Variants in PTH2R observed in about 807,000 individuals in gnomAD.
PTH2R encodes the protein PTH2 receptor.
A neutral mutation model predicts 60.3 loss-of-function variants in PTH2R; 59 were observed. That is an observed-to-expected ratio of 0.98 (90% confidence interval 0.79 to 1.22). The LOEUF (loss-of-function observed/expected upper bound fraction) is 1.22, where lower values mean the gene tolerates loss of function less well. Among genes scored for constraint, PTH2R ranks in the 50% most tolerant of loss-of-function variants. PTH2R has a pLI of 0.00. For missense variants in PTH2R, 749 were observed against 682.6 expected (o/e 1.10, Z -1.08); for synonymous variants, 256 against 243.8 (o/e 1.05, Z -0.47).
At chr2:208,393,736 A>G (rs1701152210) in intron 1 of PTH2R, among the ~76,000 whole-genome samples, 1 of 152,204 alleles carries the variant, frequency 6.6e-6, no homozygotes, top group Non-Finnish European at 1.5e-5. Flanking sequence ...GAAAATTTCT[A>G]TATACCTACA....
intron 9 of PTH2R, among the ~76,000 whole-genome samples, chr2:208,464,590 G>A (rs753585572): frequency 6.6e-6 from 1 of 152,228 alleles, no homozygotes; most frequent in African/African-American, 2.4e-5. Flanking sequence ...TTACAGCATA[G>A]ATTTTGGGCC....
rs189315504 is a variant in PTH2R at position 208,469,750 on chromosome 2, C to A, written c.981+9789C>A. The A allele has an allele frequency of 2.0e-5, 3 of 152,290 alleles. No homozygotes were observed. The East Asian group carries it at 5.8e-4, about 29-fold the overall frequency. 9.4% of individuals were successfully genotyped at this position (152,290 alleles called of 1,614,324 possible). On this transcript the variant is annotated intron_variant, in intron 9 of 12. Transcript: ENST00000272847. ...ATCATTTATCAGACACCTGTGTCAT[C>A]TTGATGTTGATTTGAGGATGATTTT...
chr2:208,432,225 T>G (rs902513255), intron 2 of PTH2R, among the ~76,000 whole-genome samples: 1 of 152,236 alleles, frequency 6.6e-6, no homozygotes, highest in African/African-American at 2.4e-5. Flanking sequence ...TCAGTGTCCC[T>G]TTAACAGTTC....
chr2:208,386,464 A>G (rs916326598), intron 1 of PTH2R, among the ~76,000 whole-genome samples: 6 of 152,192 alleles, frequency 3.9e-5, no homozygotes, highest in Admixed American at 2.0e-4. Flanking sequence ...AGCTCTTAGC[A>G]CAATACCTGG....
rs1231053029 is a variant in PTH2R at position 208,489,065 on chromosome 2, TC to T, written c.1131del (p.Ile377MetfsTer48). 1 of 1,614,052 alleles carries T rather than the reference TC, an allele frequency of 6.2e-7. No homozygotes were observed. The highest frequency in any genetic ancestry group is 8.5e-7 in the Non-Finnish European group (1 of 1,180,034). On this transcript the variant is annotated frameshift_variant, in exon 11 of 13. Transcript: ENST00000272847. LOFTEE classifies it high-confidence loss of function. ...GTCCTAGTCTTTGGAGTGCATTACA[TC>T]GTGTTCGTATGCCTGCCTCACTCCT... ...VLVLVFGVHY[I>X]VFVCLPHSFT... is the part of the protein sequence containing the mutation.
chr2:208,364,530 T>C (rs1574805737), intron 1 of PTH2R, among the ~76,000 whole-genome samples: 1 of 152,302 alleles, frequency 6.6e-6, no homozygotes. Context: ...TGGAGGTCAG[T>C]TGGCCATGTG....
chr2:208,452,133 A>C (rs1331768317), intron 8 of PTH2R, among the ~76,000 whole-genome samples: 1 of 152,168 alleles, frequency 6.6e-6, no homozygotes, highest in Non-Finnish European at 1.5e-5. Context: ...GCTGAGAAGG[A>C]GCTCAGGTAC....
chr2:208,418,884 A>G (rs3856350), intron 1 of PTH2R, among the ~76,000 whole-genome samples: 112,032 of 152,154 alleles, frequency 0.74, 45,029 homozygotes, highest in East Asian at 0.94. Context: ...TTGTAGAAGT[A>G]CCAAATGTGT....
At chr2:208,372,867 C>T (rs1202517836) in intron 1 of PTH2R, among the ~76,000 whole-genome samples, 2 of 152,014 alleles carry the variant, frequency 1.3e-5, no homozygotes, top group African/African-American at 2.4e-5. Flanking sequence ...GGTGGATCGC[C>T]TGAGCTCAGG....
intron 11 of PTH2R, 126 bp downstream of exon 11, chr2:208,489,276 C>A: frequency 8.5e-7 from 1 of 1,169,672 alleles, no homozygotes; most frequent in Non-Finnish European, 1.2e-6. Context: ...TTGGGGGGTG[C>A]AGAAAGGTCA....
intron 1 of PTH2R, among the ~76,000 whole-genome samples, chr2:208,410,561 T>G (rs1291094114): frequency 1.3e-5 from 2 of 152,192 alleles, no homozygotes; most frequent in Non-Finnish European, 2.9e-5. Flanking sequence ...TTAGGGGCAA[T>G]CTGGGTGTTT....
chr2:208,459,423 A>G (rs756313857), intron 8 of PTH2R, among the ~76,000 whole-genome samples: 32 of 152,148 alleles, frequency 2.1e-4, no homozygotes, highest in Non-Finnish European at 4.4e-4. Flanking sequence ...TTCATTTTCT[A>G]TTGCATTTCT....
At chr2:208,400,372 G>A (rs553368995) in intron 1 of PTH2R, among the ~76,000 whole-genome samples, 1 of 152,154 alleles carries the variant, frequency 6.6e-6, no homozygotes, top group Non-Finnish European at 1.5e-5. Context: ...CATTAAGTTA[G>A]TCACCAGCAC....
intron 8 of PTH2R, 79 bp downstream of exon 8, chr2:208,450,888 C>CT: frequency 6.8e-7 from 1 of 1,473,638 alleles, no homozygotes; most frequent in Non-Finnish European, 9.5e-7. Context: ...TTCACACTCG[C>CT]TTCTGTTCTT....
intron 4 of PTH2R, among the ~76,000 whole-genome samples, chr2:208,441,075 AG>A (rs1208985973): frequency 6.6e-6 from 1 of 152,212 alleles, no homozygotes; most frequent in Non-Finnish European, 1.5e-5. Flanking sequence ...AGTGAGCACA[AG>A]GCAGCAGCCA....
chr2:208,388,288 G>C (rs917883528), intron 1 of PTH2R, among the ~76,000 whole-genome samples: 2 of 152,180 alleles, frequency 1.3e-5, no homozygotes, highest in East Asian at 3.9e-4. Flanking sequence ...CTGCACTCCA[G>C]CCTGGGTGAC....
At chr2:208,395,144 T>A (rs1230082213) in intron 1 of PTH2R, among the ~76,000 whole-genome samples, 2 of 151,826 alleles carry the variant, frequency 1.3e-5, no homozygotes, top group Non-Finnish European at 2.9e-5. Context: ...ACCTCCCAGG[T>A]TCAAGCCATT....
intron 8 of PTH2R, among the ~76,000 whole-genome samples, chr2:208,453,691 T>C (rs752631037): frequency 4.3e-4 from 66 of 152,316 alleles, no homozygotes; most frequent in Non-Finnish European, 7.2e-4. Context: ...TTGTGAGTTA[T>C]AAGGAGGTGT....
chr2:208,386,119 A>C (rs16841147), intron 1 of PTH2R, among the ~76,000 whole-genome samples: 6,370 of 152,312 alleles, frequency 0.042, 409 homozygotes, highest in African/African-American at 0.14. Context: ...TATCTGGCTC[A>C]AGACAGTGTC....
Sources: gnomAD v4.1 joint callset for allele counts (sites outside exome capture counted in the v4.1 genomes callset) on GRCh38, gnomAD v4.1.1 for gene constraint, MANE v1.5 for transcripts, NCBI Gene and HGNC (gene_info 2026-07-23, HGNC 2026-07-21) for gene names.